Variants in DGKB observed in about 807,000 individuals in gnomAD.
DGKB encodes diacylglycerol kinase beta, also known as 90 kDa diacylglycerol kinase.
A neutral mutation model predicts 114.3 loss-of-function variants in DGKB; 67 were observed. The ratio of observed to expected loss-of-function variants is 0.59; its 90% CI spans 0.48 to 0.72. The LOEUF (loss-of-function observed/expected upper bound fraction) is 0.72, where lower values mean the gene tolerates loss of function less well. Ranked by LOEUF, DGKB falls within the 30% of genes least tolerant of loss-of-function variation. The probability of loss-of-function intolerance (pLI) is 0.00; values close to 1 mark genes in which losing one functional copy is unlikely to be tolerated. For synonymous variants in DGKB, 398 were observed against 323.1 expected (o/e 1.23, Z -2.49); for missense variants, 907 against 975.2 (o/e 0.93, Z 0.93).
chr7:14,932,661 C>G (rs1226083432), intron 1 of DGKB, among the ~76,000 whole-genome samples: 1 of 152,134 alleles, frequency 6.6e-6, no homozygotes, highest in Non-Finnish European at 1.5e-5. Context: ...ACATAAGTCA[C>G]TTAATGTAAA....
In DGKB at chr7:14,735,815, A is replaced by G. The variant is rs577088697; in HGVS notation, c.322+226T>C. Reference sequence around the variant, plus strand: ...TATGTCTTCAAATTATTACCTATACATAGAATTCTAAAGCAAGTGATAGAT... The same window carrying G: ...TATGTCTTCAAATTATTACCTATACGTAGAATTCTAAAGCAAGTGATAGAT... On this transcript the variant is annotated intron_variant, in intron 5 of 25. Transcript: ENST00000402815. 9.2e-5 allele frequency among the ~76,000 whole-genome samples: 14 copies of G among 152,312 alleles called. No homozygotes were observed. The South Asian group carries it at 1.7e-3, about 18-fold the overall frequency.
intron 2 of DGKB, among the ~76,000 whole-genome samples, chr7:14,806,673 G>A (rs1385119961): frequency 6.6e-6 from 1 of 151,954 alleles, no homozygotes; most frequent in East Asian, 1.9e-4. Flanking sequence ...CCTTGTAACA[G>A]TCACATCTTC....
At chr7:14,547,047 G>T (rs1794396731) in intron 20 of DGKB, among the ~76,000 whole-genome samples, 1 of 152,104 alleles carries the variant, frequency 6.6e-6, no homozygotes. Flanking sequence ...CATTAAGCTT[G>T]CCATAAATTC....
Position 14,296,933 on chromosome 7 carries a change from C to T in DGKB, c.2122+41582G>A, listed in dbSNP as rs144118725. On this transcript the variant is annotated intron_variant, in intron 23 of 25. Coordinates refer to ENST00000402815, the MANE Select transcript of DGKB (RefSeq NM_001350709.2). The stretch of plus-strand genomic sequence containing the variant: ...TCGGAAAATACTATAAACACATCTA[C>T]GCAAATAAACTAGAAAAACTAGAAG... 8.5e-3 allele frequency among the ~76,000 whole-genome samples: 1,296 copies of T among 151,964 alleles called. 15 individuals carry two copies. The highest frequency in any genetic ancestry group is 0.029 in the African/African-American group (1,207 of 41,432).
chr7:14,288,547 C>A (rs565480084), intron 23 of DGKB, among the ~76,000 whole-genome samples: 8 of 152,170 alleles, frequency 5.3e-5, no homozygotes, highest in African/African-American at 1.9e-4. Flanking sequence ...GCTTCTTTCA[C>A]TTTTAATCAT....
intron 21 of DGKB, among the ~76,000 whole-genome samples, chr7:14,412,311 T>C (rs35230860): frequency 0.15 from 23,397 of 152,188 alleles, 2,243 homozygotes; most frequent in South Asian, 0.24. Flanking sequence ...GAATAATCTC[T>C]AAAATAGATT....
intron 23 of DGKB, among the ~76,000 whole-genome samples, chr7:14,279,606 T>C (rs906118699): frequency 6.6e-6 from 1 of 152,088 alleles, no homozygotes; most frequent in Non-Finnish European, 1.5e-5. Context: ...GCTTGTAGGG[T>C]TTCTGCTGAG....
intron 13 of DGKB, among the ~76,000 whole-genome samples, chr7:14,672,258 T>C (rs1383679820): frequency 2.6e-5 from 4 of 152,110 alleles, no homozygotes; most frequent in African/African-American, 7.2e-5. Context: ...ATCATGGATA[T>C]AAAATAGTTT....
chr7:14,687,259 T>A (rs370025004), intron 9 of DGKB, among the ~76,000 whole-genome samples: 3 of 152,156 alleles, frequency 2.0e-5, no homozygotes, highest in Non-Finnish European at 4.4e-5. Context: ...GGCAAGCTAA[T>A]ACATTAACTT....
intron 23 of DGKB, among the ~76,000 whole-genome samples, chr7:14,304,087 A>ACACACACACACACACACACACACTCTCT (rs140836395): frequency 2.9e-4 from 32 of 110,118 alleles, no homozygotes; most frequent in South Asian, 7.7e-4. Flanking sequence ...ACACACACAC[A>ACACACACACACACACACACACACTCTCT]CTCTCTCTCT....
chr7:14,225,931 A>T (rs150633672), intron 23 of DGKB, among the ~76,000 whole-genome samples: 1,609 of 152,094 alleles, frequency 0.011, 29 homozygotes, highest in African/African-American at 0.036. Flanking sequence ...AAATGAATTT[A>T]AAAATATTAC....
At chr7:14,429,597 C>T (rs1207139097) in intron 21 of DGKB, among the ~76,000 whole-genome samples, 2 of 152,128 alleles carry the variant, frequency 1.3e-5, no homozygotes, top group African/African-American at 2.4e-5. Flanking sequence ...TCACTCTGCG[C>T]CCTTTCCACT....
chr7:14,244,315 C>G (rs1451754015), intron 23 of DGKB, among the ~76,000 whole-genome samples: 1 of 152,038 alleles, frequency 6.6e-6, no homozygotes, highest in East Asian at 1.9e-4. Context: ...TGAATGCTTG[C>G]GTTCTTCCCA....
At chr7:14,356,474 G>A (rs1299393460) in intron 21 of DGKB, among the ~76,000 whole-genome samples, 3 of 142,884 alleles carry the variant, frequency 2.1e-5, no homozygotes, top group South Asian at 4.4e-4. Flanking sequence ...CCATTCTCTT[G>A]CCTCAGCCTC....
chr7:14,427,084 G>T (rs766791162), intron 21 of DGKB, among the ~76,000 whole-genome samples: 13 of 151,894 alleles, frequency 8.6e-5, no homozygotes, highest in Non-Finnish European at 1.6e-4. Context: ...AACACACACT[G>T]GGGCCTGTCA....
intron 1 of DGKB, among the ~76,000 whole-genome samples, chr7:14,927,056 A>G (rs951748676): frequency 2.0e-5 from 3 of 151,970 alleles, no homozygotes; most frequent in African/African-American, 7.2e-5. Flanking sequence ...CACTGGAATG[A>G]TGATGATGAT....
intron 23 of DGKB, among the ~76,000 whole-genome samples, chr7:14,241,588 T>A (rs957634830): frequency 1.3e-5 from 2 of 152,064 alleles, no homozygotes; most frequent in South Asian, 2.1e-4. Flanking sequence ...AAAGCTTTTT[T>A]AAGTTGAATT....
At position 14,769,121 on chromosome 7, in the gene DGKB, GAA is replaced by G. The variant is rs754378796; in HGVS notation, c.71-11392_71-11391del. The stretch of plus-strand genomic sequence containing the variant: ...AGAAAGAAAGAAAGAAAGAAAGAAA[GAA>G]AGAGAGAGAGAGAAAGAAAGAAAGA... On this transcript the variant is annotated intron_variant, in intron 2 of 25. Coordinates refer to ENST00000402815, the MANE Select transcript of DGKB (RefSeq NM_001350709.2). Among the ~76,000 whole-genome samples, 801 of 90,120 alleles carry G rather than the reference GAA, an allele frequency of 8.9e-3. 1 individual carries two copies. Among genetic ancestry groups the G allele is most frequent in the Non-Finnish European group, 0.012 (611 of 51,552 alleles). The allele number at this position is 90,120 out of a possible 152,430, so 59.1% of individuals were successfully genotyped here.
At chr7:14,845,528 C>A (rs557580019) in intron 1 of DGKB, among the ~76,000 whole-genome samples, 1 of 152,122 alleles carries the variant, frequency 6.6e-6, no homozygotes, top group Non-Finnish European at 1.5e-5. Context: ...CACCATCCTG[C>A]GCTACACTCC....
Sources: allele counts gnomAD v4.1 joint callset (sites outside exome capture counted in the v4.1 genomes callset), GRCh38; gene constraint gnomAD v4.1.1; transcripts MANE v1.5; gene names NCBI Gene and HGNC (gene_info 2026-07-23, HGNC 2026-07-21).